PRKCA: variants seen among roughly 807,000 people sequenced by gnomAD.
PRKCA encodes protein kinase C alpha.
PRKCA carries 27 observed loss-of-function variants against 87.0 expected under a neutral mutation model. The observed-to-expected ratio is 0.31, with a 90% CI of 0.23 to 0.43. The LOEUF is 0.43. Ranked by LOEUF, PRKCA falls within the 20% of genes least tolerant of loss-of-function variation. The pLI, the probability that PRKCA is intolerant of heterozygous loss-of-function variation, is 1.00. For missense variants in PRKCA, 518 were observed against 852.3 expected (o/e 0.61, Z 4.88); for synonymous variants, 329 against 311.1 (o/e 1.06, Z -0.61).
intron 3 of PRKCA, among the ~76,000 whole-genome samples, chr17:66,624,426 T>C (rs1274118105): frequency 6.6e-6 from 1 of 152,154 alleles, no homozygotes; most frequent in Admixed American, 6.5e-5. Flanking sequence ...CTTGAACAAA[T>C]CAGGTGCCAC....
chr17:66,754,188 A>C (rs1974496602), intron 13 of PRKCA, among the ~76,000 whole-genome samples: 1 of 151,924 alleles, frequency 6.6e-6, no homozygotes, highest in Non-Finnish European at 1.5e-5. Flanking sequence ...TGTATTTTAT[A>C]TATTCATATC....
intron 2 of PRKCA, among the ~76,000 whole-genome samples, chr17:66,343,210 T>C (rs547793748): frequency 5.9e-5 from 9 of 152,304 alleles, no homozygotes; most frequent in South Asian, 4.1e-4. Context: ...TAAGTTTAAG[T>C]AATTTAAGTA....
At chr17:66,339,299 A>G (rs544859737) in intron 2 of PRKCA, among the ~76,000 whole-genome samples, 4 of 152,324 alleles carry the variant, frequency 2.6e-5, no homozygotes, top group Non-Finnish European at 5.9e-5. Flanking sequence ...GTTTATTTGC[A>G]GAAATAGTTA....
At chr17:66,387,824 T>C (rs1910145435) in intron 2 of PRKCA, among the ~76,000 whole-genome samples, 1 of 152,190 alleles carries the variant, frequency 6.6e-6, no homozygotes, top group Admixed American at 6.5e-5. Flanking sequence ...CCACTTGACA[T>C]GGCGATTGGA....
intron 2 of PRKCA, among the ~76,000 whole-genome samples, chr17:66,423,127 T>G (rs1912584591): frequency 6.6e-6 from 1 of 151,944 alleles, no homozygotes; most frequent in Non-Finnish European, 1.5e-5. Flanking sequence ...AAAAAAGTAT[T>G]ATTGCAGAGA....
intron 2 of PRKCA, among the ~76,000 whole-genome samples, chr17:66,373,866 A>G (rs1039683072): frequency 2.0e-5 from 3 of 152,154 alleles, no homozygotes; most frequent in Non-Finnish European, 4.4e-5. Flanking sequence ...GCCAGTTTAA[A>G]TGGTCCTCAC....
chr17:66,306,013 G>GTACT (rs1433324428), intron 1 of PRKCA, 83 bp from the exon 2 acceptor site: 1 of 1,273,332 alleles, frequency 7.9e-7, no homozygotes, highest in African/African-American at 1.5e-5. Flanking sequence ...TAGTGGTAGA[G>GTACT]TACTTGGTCA....
chr17:66,325,932 T>G (rs570060762), intron 2 of PRKCA, among the ~76,000 whole-genome samples: 1 of 152,308 alleles, frequency 6.6e-6, no homozygotes, highest in East Asian at 1.9e-4. Flanking sequence ...TTAGGGTTGA[T>G]GTGAAGGCCC....
At chr17:66,616,555 C>T (rs932874940) in intron 3 of PRKCA, among the ~76,000 whole-genome samples, 14 of 152,286 alleles carry the variant, frequency 9.2e-5, no homozygotes, top group African/African-American at 2.9e-4. Flanking sequence ...GAGTAAGGCA[C>T]GAGGGCAAGT....
In PRKCA at chr17:66,792,340, G is replaced by A. The variant is rs563013352; in HGVS notation, c.1854+3361G>A. Among the ~76,000 whole-genome samples, 4 of 152,288 alleles carry A rather than the reference G, an allele frequency of 2.6e-5. No homozygotes were observed. Among genetic ancestry groups the A allele is most frequent in the African/African-American group, 7.2e-5 (3 of 41,560 alleles). On this transcript the variant is annotated intron_variant, in intron 16 of 16. Coordinates refer to ENST00000413366, the MANE Select transcript of PRKCA (RefSeq NM_002737.3). The surrounding 1 kb of genome is among the most constrained non-coding windows in gnomAD (Gnocchi z 4.5). ...TTCTACAGATCAGATTGAGCTTGTA[G>A]GATCAGGAGTCTATCATCTTTGTTT...
At chr17:66,715,925 A>C (rs1261680424) in intron 8 of PRKCA, among the ~76,000 whole-genome samples, 6 of 152,210 alleles carry the variant, frequency 3.9e-5, no homozygotes, top group Non-Finnish European at 7.3e-5. Flanking sequence ...TGCAAATGAA[A>C]GATTCCATGA....
chr17:66,648,950 C>G (rs763970781), intron 5 of PRKCA, among the ~76,000 whole-genome samples: 17 of 151,740 alleles, frequency 1.1e-4, no homozygotes, highest in Admixed American at 2.6e-4. Context: ...AAAAATTAGC[C>G]AAGTATGGTG....
chr17:66,475,422 C>T (rs900722790), intron 2 of PRKCA, among the ~76,000 whole-genome samples: 5 of 152,140 alleles, frequency 3.3e-5, no homozygotes, highest in Admixed American at 2.6e-4. Flanking sequence ...AGTTTTGAAG[C>T]TAGGTATGGG....
intron 2 of PRKCA, among the ~76,000 whole-genome samples, chr17:66,422,723 G>A (rs1912559033): frequency 6.6e-6 from 1 of 152,158 alleles, no homozygotes; most frequent in Non-Finnish European, 1.5e-5. Flanking sequence ...TATATACCGT[G>A]ACACTCTTAT....
chr17:66,688,940 G>A lies in PRKCA; in HGVS notation c.822-11G>A, dbSNP rs371882822. The A allele has an allele frequency of 1.0e-5, 16 of 1,552,530 alleles. 1 individual carries two copies. The highest frequency in any genetic ancestry group is 9.5e-5 in the African/African-American group (7 of 73,732). ...TTGCGGTGGTAACTCTTCTTCTCCC[G>A]TCCTTGAAAGGTACAAGTTGCTTAA... On this transcript the variant is annotated splice_polypyrimidine_tract_variant and intron_variant, in intron 7 of 16. Transcript: ENST00000413366.
intron 3 of PRKCA, among the ~76,000 whole-genome samples, chr17:66,590,071 A>G (rs918257015): frequency 4.6e-5 from 7 of 152,078 alleles, no homozygotes; most frequent in Admixed American, 3.9e-4. Flanking sequence ...CTAACAGGCC[A>G]TGGACAGGCA....
chr17:66,411,139 A>G (rs1486447519), intron 2 of PRKCA, among the ~76,000 whole-genome samples: 1 of 151,590 alleles, frequency 6.6e-6, no homozygotes, highest in Non-Finnish European at 1.5e-5. Flanking sequence ...TGGTGCAGTC[A>G]TGGCTCACTG....
chr17:66,505,009 G>A (rs961887831), intron 3 of PRKCA, among the ~76,000 whole-genome samples: 3 of 152,120 alleles, frequency 2.0e-5, no homozygotes, highest in African/African-American at 4.8e-5. Context: ...GCACTTGCCC[G>A]CAGATACCCT....
chr17:66,327,432 A>T (rs1444896084), intron 2 of PRKCA, among the ~76,000 whole-genome samples: 1 of 150,640 alleles, frequency 6.6e-6, no homozygotes, highest in Non-Finnish European at 1.5e-5. Flanking sequence ...GCTACTGGGG[A>T]GACTGAGGCA....
Sources: allele counts gnomAD v4.1 joint callset (sites outside exome capture counted in the v4.1 genomes callset), GRCh38; gene constraint gnomAD v4.1.1; non-coding constraint Gnocchi (gnomAD v3.1); transcripts MANE v1.5; gene names NCBI Gene and HGNC (gene_info 2026-07-23, HGNC 2026-07-21).